The following CADM2 variants were observed in gnomAD, a reference collection of about 807,000 sequenced individuals.
CADM2 encodes the protein cell adhesion molecule 2.
A neutral mutation model predicts 49.8 loss-of-function variants in CADM2; 12 were observed. That is an observed-to-expected ratio of 0.24 (90% CI 0.15 to 0.39). CADM2 has a LOEUF of 0.39. Among genes scored for constraint, CADM2 ranks in the 10% least tolerant of loss-of-function variants. The pLI, the probability that CADM2 is intolerant of heterozygous loss-of-function variation, is 1.00. For missense variants in CADM2, 378 were observed against 492.3 expected (o/e 0.77, Z 2.20); for synonymous variants, 214 against 175.4 (o/e 1.22, Z -1.74).
At position 85,474,367 on chromosome 3, in the gene CADM2, T is replaced by A. The variant is rs539491238; in HGVS notation, c.62-252155T>A. Among the ~76,000 whole-genome samples the A allele has an allele frequency of 1.5e-4, 23 of 152,060 alleles. No homozygotes were observed. The East Asian group carries it at 4.5e-3, about 29-fold the overall frequency. Reference sequence around the variant, plus strand: ...GAGGCCAGTCTTTGTTTTAATTCTTTGTTCTGTTGAGAACACCTGACTCGA... The same window carrying A: ...GAGGCCAGTCTTTGTTTTAATTCTTAGTTCTGTTGAGAACACCTGACTCGA... On this transcript the variant is annotated intron_variant, in intron 1 of 9. Transcript: ENST00000383699.
At chr3:85,682,112 G>T (rs1441589172) in intron 1 of CADM2, among the ~76,000 whole-genome samples, 1 of 152,034 alleles carries the variant, frequency 6.6e-6, no homozygotes, top group Non-Finnish European at 1.5e-5. Context: ...ATTACCTAAA[G>T]CTCAGCTGAA....
chr3:85,488,927 T>C (rs546051926), intron 1 of CADM2, among the ~76,000 whole-genome samples: 3 of 152,262 alleles, frequency 2.0e-5, no homozygotes, highest in African/African-American at 2.4e-5. Context: ...AAAAAGGCAA[T>C]GGACCTTCTT....
At chr3:85,261,965 A>G (rs1317442463) in intron 1 of CADM2, among the ~76,000 whole-genome samples, 3 of 152,098 alleles carry the variant, frequency 2.0e-5, no homozygotes, top group East Asian at 1.9e-4. Context: ...GTTACACTCA[A>G]TAATTCTCTT....
chr3:85,737,744 G>C (rs1171508606), intron 2 of CADM2, among the ~76,000 whole-genome samples: 1 of 151,800 alleles, frequency 6.6e-6, no homozygotes, highest in Non-Finnish European at 1.5e-5. Flanking sequence ...ATTTTTAGGA[G>C]AGACGGGGTT....
intron 6 of CADM2, among the ~76,000 whole-genome samples, chr3:85,918,444 G>C (rs1056910553): frequency 1.3e-5 from 2 of 152,060 alleles, no homozygotes; most frequent in Non-Finnish European, 2.9e-5. Context: ...CTGTTTATAT[G>C]CTGGATTACA....
intron 1 of CADM2, among the ~76,000 whole-genome samples, chr3:85,506,407 A>C (rs2040353983): frequency 6.6e-6 from 1 of 152,252 alleles, no homozygotes; most frequent in Non-Finnish European, 1.5e-5. Context: ...GAATTGGACC[A>C]GGACATGCAA....
chr3:85,925,821 G>A (rs976397305), intron 6 of CADM2, among the ~76,000 whole-genome samples: 1 of 152,064 alleles, frequency 6.6e-6, no homozygotes, highest in Admixed American at 6.6e-5. Context: ...AGAAGACAGA[G>A]ATAGATAGAT....
chr3:85,059,408 G>T (rs182033065), intron 1 of CADM2, among the ~76,000 whole-genome samples: 1 of 151,968 alleles, frequency 6.6e-6, no homozygotes, highest in East Asian at 1.9e-4. Context: ...ATTAATTTTT[G>T]TGTGATTTCC....
chr3:85,696,337 G>T (rs1235187700), intron 1 of CADM2, among the ~76,000 whole-genome samples: 1 of 151,762 alleles, frequency 6.6e-6, no homozygotes, highest in Non-Finnish European at 1.5e-5. Context: ...GAATTTCTTT[G>T]CCTAGGCCAA....
chr3:86,055,746 A>C (rs1000899538), intron 8 of CADM2, among the ~76,000 whole-genome samples: 1 of 152,088 alleles, frequency 6.6e-6, no homozygotes, highest in Non-Finnish European at 1.5e-5. Flanking sequence ...AGATTTCAAC[A>C]CATGAATTTT....
chr3:85,196,621 G>C (rs2041350850), intron 1 of CADM2, among the ~76,000 whole-genome samples: 1 of 151,918 alleles, frequency 6.6e-6, no homozygotes. Flanking sequence ...TTTCTGTTTT[G>C]AAGTACATGA....
rs986699214 is a variant in CADM2 at position 85,913,148 on chromosome 3, G to T, written c.700+605G>T. ...TTTACGAATAGTAGCCTGATGAGTA[G>T]TTACTCTCATTAGTCACAAGATACA... On this transcript the variant is annotated intron_variant, in intron 6 of 9. Coordinates refer to ENST00000383699, the MANE Select transcript of CADM2 (RefSeq NM_001167675.2). Among the ~76,000 whole-genome samples, 7 of 152,224 alleles carry T rather than the reference G, an allele frequency of 4.6e-5. No homozygotes were observed. The East Asian group carries it at 1.4e-3, about 29-fold the overall frequency.
intron 3 of CADM2, among the ~76,000 whole-genome samples, chr3:85,842,525 T>G (rs1284684663): frequency 6.6e-6 from 1 of 152,124 alleles, no homozygotes; most frequent in Admixed American, 6.6e-5. Context: ...ATTAATTTCC[T>G]GTCCACAGTC....
intron 1 of CADM2, among the ~76,000 whole-genome samples, chr3:85,554,584 A>G (rs1017239168): frequency 6.6e-6 from 1 of 152,208 alleles, no homozygotes; most frequent in Non-Finnish European, 1.5e-5. Context: ...TTATCATACC[A>G]CTGCTAAAAT....
intron 1 of CADM2, among the ~76,000 whole-genome samples, chr3:85,633,496 A>G (rs1313504458): frequency 2.0e-5 from 3 of 152,064 alleles, no homozygotes; most frequent in African/African-American, 7.2e-5. Flanking sequence ...TGCACTAGGG[A>G]CATGTTAAAA....
intron 1 of CADM2, among the ~76,000 whole-genome samples, chr3:85,118,792 C>G (rs774116040): frequency 6.6e-6 from 1 of 152,080 alleles, no homozygotes; most frequent in Non-Finnish European, 1.5e-5. Context: ...TCTTGTTGAC[C>G]AGGCTGGAGT....
At chr3:85,338,795 C>A (rs1278109569) in intron 1 of CADM2, among the ~76,000 whole-genome samples, 1 of 151,376 alleles carries the variant, frequency 6.6e-6, no homozygotes, top group Non-Finnish European at 1.5e-5. Context: ...CAAATTTTGG[C>A]TCTAGATTAT....
rs577267227 is a variant in CADM2 at position 85,569,903 on chromosome 3, G to A, written c.62-156619G>A. Among the ~76,000 whole-genome samples the A allele has an allele frequency of 7.9e-5, 12 of 152,116 alleles. 1 individual carries two copies. Among genetic ancestry groups the A allele is most frequent in the African/African-American group, 2.9e-4 (12 of 41,514 alleles). On this transcript the variant is annotated intron_variant, in intron 1 of 9. Coordinates refer to ENST00000383699, the MANE Select transcript of CADM2 (RefSeq NM_001167675.2). ...TATTCAGTATTTGTATATAATTCTC[G>A]ATTGGCAAAGCAGAACTGGCTGAAT...
rs191289673 is a variant in CADM2, at chr3:85,620,974, T to G, written c.62-105548T>G. 2.0e-5 allele frequency among the ~76,000 whole-genome samples: 3 copies of G among 152,262 alleles called. No homozygotes were observed. In the East Asian group the frequency reaches 5.8e-4, roughly 29 times the overall value. On this transcript the variant is annotated intron_variant, in intron 1 of 9. Transcript: ENST00000383699. ...GAGGTGAAATCCAGTTCCTTAAGAC[T>G]TCCACTTTTAATTAAGTTGTCCTTT...
Sources: gnomAD v4.1 joint callset for allele counts (sites outside exome capture counted in the v4.1 genomes callset) on GRCh38, gnomAD v4.1.1 for gene constraint, MANE v1.5 for transcripts, NCBI Gene and HGNC (gene_info 2026-07-23, HGNC 2026-07-21) for gene names.